PDZD8: variants seen among roughly 807,000 people sequenced by gnomAD.
The protein encoded by PDZD8 is PDZ domain-containing protein 8.
PDZD8 carries 14 observed loss-of-function variants against 85.8 expected under a neutral mutation model. The ratio of observed to expected loss-of-function variants is 0.16; its 90% confidence interval spans 0.11 to 0.26. PDZD8 has a LOEUF of 0.26. Among genes scored for constraint, PDZD8 ranks in the 10% least tolerant of loss-of-function variants. The pLI is 1.00. For synonymous variants in PDZD8, 592 were observed against 568.6 expected, an observed-to-expected ratio of 1.04 and a Z score of -0.59; for missense variants, 1,197 against 1,424.3, an observed-to-expected ratio of 0.84 and a Z score of 2.57.
intron 1 of PDZD8, among the ~76,000 whole-genome samples, chr10:117,363,304 A>G (rs1456317965): frequency 1.3e-5 from 2 of 152,150 alleles, no homozygotes; most frequent in Non-Finnish European, 2.9e-5. Context: ...ACAAAAAATT[A>G]GCATACAACA....
intron 2 of PDZD8, among the ~76,000 whole-genome samples, chr10:117,327,109 T>C (rs976589141): frequency 2.5e-4 from 38 of 152,300 alleles, no homozygotes; most frequent in Admixed American, 2.0e-4. Context: ...CTCTCTTGGC[T>C]GGAACAACAA....
chr10:117,280,169 T>A lies in PDZD8; in HGVS notation c.*3099A>T, dbSNP rs532759395. ...CTGATATTGAATATAAGGCTTGATA[T>A]GAAGAAGTATAGCCTATTATGATTG... On this transcript the variant is annotated 3_prime_UTR_variant, in exon 5 of 5. Coordinates refer to ENST00000334464, the MANE Select transcript of PDZD8 (RefSeq NM_173791.5). 2 of 152,170 alleles carry A rather than the reference T, an allele frequency of 1.3e-5. No individual in the cohort carries two copies. The highest frequency in any genetic ancestry group is 2.9e-5 in the Non-Finnish European group (2 of 68,022). 9.4% of individuals were successfully genotyped at this position (152,170 alleles called of 1,614,324 possible).
At chr10:117,306,128 G>A (rs921104988) in intron 3 of PDZD8, among the ~76,000 whole-genome samples, 1 of 152,170 alleles carries the variant, frequency 6.6e-6, no homozygotes, top group Non-Finnish European at 1.5e-5. Context: ...TAGAATGCCA[G>A]CTTGGCCATT....
intron 2 of PDZD8, among the ~76,000 whole-genome samples, chr10:117,324,610 G>T (rs1844284196): frequency 6.6e-6 from 1 of 152,058 alleles, no homozygotes; most frequent in Non-Finnish European, 1.5e-5. Context: ...ACAAGTTTCT[G>T]ATAACTTTAA....
rs1192313261 is a variant in PDZD8 at position 117,284,473 on chromosome 10, T to C, written c.2260A>G (p.Lys754Glu). ...GGTGAGGGGGCTTCCAGTCTCAATT[T>C]GGAAAGGTATTCCGTGTTTGATGTA... is the stretch of plus-strand genomic sequence containing the variant. The part of the protein sequence containing the change: ...LATSNTEYLS[K>E]LRLEAPSPKA... The change falls in exon 5 of 5, where the codon AAA (lysine) becomes GAA (glutamate). Residue 754 changes from lysine (K) to glutamate (E), a missense_variant. Lys to Glu is a moderately conservative substitution (Grantham distance 56, BLOSUM62 1). Transcript: ENST00000334464. 6 of 1,614,080 alleles carry C rather than the reference T, an allele frequency of 3.7e-6. No homozygotes were observed. Among genetic ancestry groups the C allele is most frequent in the Non-Finnish European group, 5.1e-6 (6 of 1,180,046 alleles).
At chr10:117,299,686 A>G (rs965490480) in intron 3 of PDZD8, among the ~76,000 whole-genome samples, 1 of 151,666 alleles carries the variant, frequency 6.6e-6, no homozygotes. Flanking sequence ...TTTCTTTATG[A>G]TATCTATTTC....
intron 3 of PDZD8, among the ~76,000 whole-genome samples, chr10:117,301,820 T>C (rs768023763): frequency 3.9e-5 from 6 of 152,198 alleles, no homozygotes; most frequent in Non-Finnish European, 7.3e-5. Flanking sequence ...GATACACATT[T>C]GTTCTTGTTC....
rs2133754951 is a variant in PDZD8, at chr10:117,282,170, A to G, written c.*1098T>C. ...CATTCCTTTACAACTGTAAGACGCC[A>G]AAGCAAAAAGTATATTTTGCATGAT... On this transcript the variant is annotated 3_prime_UTR_variant, in exon 5 of 5. Transcript: ENST00000334464. The G allele has an allele frequency of 6.6e-6, 1 of 152,338 alleles. No homozygotes were observed. The highest frequency in any genetic ancestry group is 1.9e-4 in the East Asian group (1 of 5,188). 9.4% of individuals were successfully genotyped at this position (152,338 alleles called of 1,614,324 possible).
chr10:117,312,934 G>T (rs189913952), intron 3 of PDZD8, among the ~76,000 whole-genome samples: 3 of 152,272 alleles, frequency 2.0e-5, no homozygotes, highest in Admixed American at 6.5e-5. Context: ...GGTATAAAAA[G>T]ATTTCATTTT....
chr10:117,374,801 G>T lies in PDZD8; in HGVS notation c.427C>A (p.Leu143Met). 6.2e-7 allele frequency: 1 copy of T among 1,613,336 alleles called. No individual in the cohort carries two copies. The highest frequency in any genetic ancestry group is 8.5e-7 in the Non-Finnish European group (1 of 1,179,890). Residue 143 changes from leucine (L) to methionine (M), a missense_variant, in exon 1 of 5, where the codon CTG (leucine) becomes ATG (methionine). Leu to Met is a conservative substitution (Grantham distance 15). Coordinates refer to ENST00000334464, the MANE Select transcript of PDZD8 (RefSeq NM_173791.5). This position sits in a 1 kb window ranked among gnomAD's most constrained non-coding sequence, Gnocchi z 7.8. The part of the protein sequence containing the change: ...TKTAGRLLEG[L>M]SLRDVFLGET... The stretch of plus-strand genomic sequence containing the variant: ...CCCAGGAACACGTCCCGCAGGCTCA[G>T]CCCCTCCAGCAGGCGCCCGGCCGTC...
At position 117,328,366 on chromosome 10, in the gene PDZD8, C is replaced by G. The variant is rs933688435; in HGVS notation, c.996-9392G>C. On this transcript the variant is annotated intron_variant, in intron 2 of 4. Coordinates refer to ENST00000334464, the MANE Select transcript of PDZD8 (RefSeq NM_173791.5). ...ATTCTCAGAAGAATTACAATATTCC[C>G]CCCTCCCCTGCATTTTCCTGATTTC... Among the ~76,000 whole-genome samples, 3 of 151,896 alleles carry G rather than the reference C, an allele frequency of 2.0e-5. No individual in the cohort carries two copies. In the East Asian group the frequency reaches 5.8e-4, roughly 29 times the overall value.
intron 1 of PDZD8, among the ~76,000 whole-genome samples, chr10:117,371,783 T>A (rs7072785): frequency 0.25 from 37,556 of 151,244 alleles, 4,925 homozygotes; most frequent in East Asian, 0.43. Context: ...ACAAAAAAAA[T>A]TTTTTTTTAA....
At position 117,322,677 on chromosome 10, in the gene PDZD8, G is replaced by A. The variant is rs150035333; in HGVS notation, c.996-3703C>T. ...AGGTGTCTGGTTCACAGAGAAATGG[G>A]AAAATCATTGGCTAGGTTGATCAGT... On this transcript the variant is annotated intron_variant, in intron 2 of 4. Transcript: ENST00000334464. Among the ~76,000 whole-genome samples, 765 of 152,078 alleles carry A rather than the reference G, an allele frequency of 5.0e-3. 8 individuals are homozygous for A. Among genetic ancestry groups the A allele is most frequent in the African/African-American group, 0.018 (727 of 41,534 alleles).
rs111848834 is a variant in PDZD8 at position 117,347,079 on chromosome 10, G to A, written c.873-5977C>T. ...TCTCCTAAACCCACCCCTCCTGTGT[G>A]TCCCTGTCCTGAATTCTTTCTCCAC... On this transcript the variant is annotated intron_variant, in intron 1 of 4. Transcript: ENST00000334464. 3.9e-3 allele frequency among the ~76,000 whole-genome samples: 586 copies of A among 151,620 alleles called. 5 individuals carry two copies. Among genetic ancestry groups the A allele is most frequent in the African/African-American group, 0.013 (555 of 41,320 alleles).
chr10:117,288,389 A>C (rs888258430), intron 4 of PDZD8, among the ~76,000 whole-genome samples: 11 of 152,150 alleles, frequency 7.2e-5, no homozygotes, highest in Non-Finnish European at 1.3e-4. Flanking sequence ...TGTACAGAAA[A>C]AAACAAACAA....
rs1199182282 is a variant in PDZD8 at position 117,284,476 on chromosome 10, A to G, written c.2257T>C (p.Ser753Pro). The change falls in exon 5 of 5, where the codon TCC (serine) becomes CCC (proline). Residue 753 changes from serine to proline, a missense_variant. Physicochemically the swap from Ser to Pro is moderately conservative, Grantham distance 74. Coordinates refer to ENST00000334464, the MANE Select transcript of PDZD8 (RefSeq NM_173791.5). ...CLATSNTEYL[S>P]KLRLEAPSPK... The stretch of plus-strand genomic sequence containing the variant: ...GAGGGGGCTTCCAGTCTCAATTTGG[A>G]AAGGTATTCCGTGTTTGATGTAGCT... 1 of 1,613,996 alleles carries G rather than the reference A, an allele frequency of 6.2e-7. No homozygotes were observed. Among genetic ancestry groups the G allele is most frequent in the Non-Finnish European group, 8.5e-7 (1 of 1,180,026 alleles).
Position 117,283,959 on chromosome 10 carries a change from C to G in PDZD8, c.2774G>C (p.Ser925Thr). 6.2e-7 allele frequency: 1 copy of G among 1,614,174 alleles called. No individual in the cohort carries two copies. Among genetic ancestry groups the G allele is most frequent in the Non-Finnish European group, 8.5e-7 (1 of 1,179,988 alleles). Reference sequence around the variant, plus strand: ...ACCTGTTGTTTTATTGACTGACTTGCTAGCTTCAGCATCAACACGAGGAGG... The same window carrying G: ...ACCTGTTGTTTTATTGACTGACTTGGTAGCTTCAGCATCAACACGAGGAGG... ...GLPPRVDAEASKSVNKTTGLT... is the reference protein window; with the variant it reads ...GLPPRVDAEATKSVNKTTGLT... Residue 925 changes from serine (S) to threonine (T), a missense_variant, in exon 5 of 5, where the codon AGC becomes ACC. Transcript: ENST00000334464.
chr10:117,300,182 C>A (rs1305944119), intron 3 of PDZD8, among the ~76,000 whole-genome samples: 1 of 152,114 alleles, frequency 6.6e-6, no homozygotes, highest in African/African-American at 2.4e-5. Flanking sequence ...GCCTGCTATT[C>A]CCTCATTTTA....
Position 117,279,619 on chromosome 10 carries a change from G to GTA in PDZD8, c.*3647_*3648dup, listed in dbSNP as rs1226346738. 1 of 152,144 alleles carries GTA rather than the reference G, an allele frequency of 6.6e-6. No individual in the cohort carries two copies. The highest frequency in any genetic ancestry group is 1.5e-5 in the Non-Finnish European group (1 of 68,022). 9.4% of individuals were successfully genotyped at this position (152,144 alleles called of 1,614,324 possible). A position where few individuals can be genotyped will look rare whatever the true frequency, so the allele number is the denominator to read the frequency against. ...CACAATTTATTTTAAATTGAGATAT[G>GTA]TAACTAGCCACATTCAATGTGGAAA... On this transcript the variant is annotated 3_prime_UTR_variant, in exon 5 of 5. Transcript: ENST00000334464.
Sources: allele counts gnomAD v4.1 joint callset (sites outside exome capture counted in the v4.1 genomes callset), GRCh38; gene constraint gnomAD v4.1.1; non-coding constraint Gnocchi (gnomAD v3.1); transcripts MANE v1.5; gene names NCBI Gene and HGNC (gene_info 2026-07-23, HGNC 2026-07-21).